The following BLTP1 variants were observed in gnomAD, a reference collection of about 807,000 sequenced individuals.
The protein encoded by BLTP1 is bridge-like lipid transfer protein family member 1.
chr4:122,255,165 A>C, the BLTP1 span: 1 of 1,605,726 alleles, frequency 6.2e-7, no homozygotes, highest in Non-Finnish European at 8.5e-7. Flanking sequence ...AGAAGTAAAT[A>C]CAACAGGCTT....
At chr4:122,245,055 G>A in the BLTP1 span, 16 of 1,611,712 alleles carry the variant, frequency 9.9e-6, no homozygotes, top group African/African-American at 5.3e-5. Context: ...GCTAGTACCC[G>A]ACATCCAGCT....
chr4:122,210,822 C>CTTAGTGAATAT, the BLTP1 span: 2 of 1,561,580 alleles, frequency 1.3e-6, no homozygotes, highest in Non-Finnish European at 1.7e-6. Flanking sequence ...CCTTGAAGAT[C>CTTAGTGAATAT]TTCCAAGAAG....
chr4:122,312,757 A>G, the BLTP1 span: 8 of 710,490 alleles, frequency 1.1e-5, no homozygotes, highest in Non-Finnish European at 1.4e-5. Context: ...GAAATTTTTC[A>G]AAGACAGAAA....
At chr4:122,247,158 A>G in the BLTP1 span, 61 of 1,602,126 alleles carry the variant, frequency 3.8e-5, no homozygotes, top group Non-Finnish European at 5.0e-5. Context: ...TTTCATAAAG[A>G]GGTGTGGTTG....
At chr4:122,298,594 C>A in the BLTP1 span, 2 of 874,524 alleles carry the variant, frequency 2.3e-6, no homozygotes, top group Non-Finnish European at 2.7e-6. Flanking sequence ...TGACCCCAAA[C>A]TAGGTGATAA....
the BLTP1 span, among the ~76,000 whole-genome samples, chr4:122,340,165 G>C: frequency 6.6e-6 from 1 of 152,096 alleles, no homozygotes; most frequent in African/African-American, 2.4e-5. Flanking sequence ...TTTGATAGTC[G>C]TAACTGAGGG....
chr4:122,298,266 G>A, the BLTP1 span: 3 of 920,828 alleles, frequency 3.3e-6, no homozygotes, highest in Non-Finnish European at 3.9e-6. Flanking sequence ...TGTTGTGTTT[G>A]TTGTATCTCA....
chr4:122,265,852 T>C, the BLTP1 span, among the ~76,000 whole-genome samples: 33 of 152,226 alleles, frequency 2.2e-4, 1 homozygote, highest in South Asian at 6.6e-3. Context: ...CACCCGCCAC[T>C]ATGCCCAGCT....
the BLTP1 span, chr4:122,185,103 T>A: frequency 1.0e-6 from 1 of 984,642 alleles, no homozygotes; most frequent in Non-Finnish European, 1.2e-6. Context: ...GGCTCAGACT[T>A]GTAAGTTTAA....
the BLTP1 span, chr4:122,214,098 A>C: frequency 6.3e-6 from 3 of 473,738 alleles, no homozygotes; most frequent in Non-Finnish European, 8.3e-6. Context: ...TGGAAACAGT[A>C]CTTGTGGACT....
chr4:122,162,783 G>A, the BLTP1 span: 1 of 424,568 alleles, frequency 2.4e-6, no homozygotes, highest in African/African-American at 2.2e-5. Context: ...AAGTAAAAAT[G>A]TTTTAAAATA....
the BLTP1 span, chr4:122,331,308 C>A: frequency 6.2e-7 from 1 of 1,600,608 alleles, no homozygotes; most frequent in South Asian, 1.1e-5. Flanking sequence ...ATGTAATGAT[C>A]AATTGTTCTT....
At chr4:122,243,813 A>G in the BLTP1 span, 2 of 1,437,214 alleles carry the variant, frequency 1.4e-6, no homozygotes, top group Non-Finnish European at 1.8e-6. Context: ...CTTCTAATTC[A>G]TGGTCTTTTT....
chr4:122,276,975 AG>A, the BLTP1 span: 2 of 978,702 alleles, frequency 2.0e-6, no homozygotes, highest in Non-Finnish European at 2.4e-6. Context: ...GCAGCCCAGC[AG>A]AGATTATGTA....
the BLTP1 span, among the ~76,000 whole-genome samples, chr4:122,181,958 T>C: frequency 6.6e-6 from 1 of 152,150 alleles, no homozygotes; most frequent in Non-Finnish European, 1.5e-5. Context: ...ATTGATAACA[T>C]CTACCAACCT....
the BLTP1 span, among the ~76,000 whole-genome samples, chr4:122,168,156 A>C: frequency 2.6e-5 from 4 of 152,188 alleles, no homozygotes; most frequent in South Asian, 4.1e-4. Flanking sequence ...TTTCTCTTAA[A>C]GGCTTTGCAT....
At chr4:122,216,661 T>C in the BLTP1 span, among the ~76,000 whole-genome samples, 2 of 152,226 alleles carry the variant, frequency 1.3e-5, no homozygotes, top group Non-Finnish European at 2.9e-5. Flanking sequence ...TTCTGTATAT[T>C]AGTCCTTTGT....
At chr4:122,311,414 A>G in the BLTP1 span, among the ~76,000 whole-genome samples, 1 of 152,194 alleles carries the variant, frequency 6.6e-6, no homozygotes, top group Non-Finnish European at 1.5e-5. Context: ...TGTAACTGAC[A>G]TATTTATAAA....
At chr4:122,190,944 C>A in the BLTP1 span, among the ~76,000 whole-genome samples, 1 of 152,062 alleles carries the variant, frequency 6.6e-6, no homozygotes, top group East Asian at 1.9e-4. Context: ...GACATTTGTG[C>A]TAATGGTGCA....
Sources: gnomAD v4.1 joint callset for allele counts (sites outside exome capture counted in the v4.1 genomes callset) on GRCh38, gnomAD v4.1.1 for gene constraint, MANE v1.5 for transcripts, NCBI Gene and HGNC (gene_info 2026-07-23, HGNC 2026-07-21) for gene names.